The following SH3RF2 variants were observed in gnomAD, a reference collection of about 807,000 sequenced individuals.
SH3RF2 encodes the protein E3 ubiquitin-protein ligase SH3RF2.
SH3RF2 carries 43 observed loss-of-function variants against 59.0 expected under a neutral mutation model. The observed-to-expected ratio is 0.73, with a 90% CI of 0.57 to 0.94. The LOEUF (loss-of-function observed/expected upper bound fraction) is 0.94. Ranked by LOEUF, SH3RF2 falls within the 40% of genes least tolerant of loss-of-function variation. The pLI is 0.00. For missense variants in SH3RF2, 930 were observed against 940.1 expected (o/e 0.99, Z 0.14); for synonymous variants, 391 against 391.5 (o/e 1.00, Z 0.01).
chr5:146,024,206 G>A (rs187493232), intron 5 of SH3RF2, among the ~76,000 whole-genome samples: 4 of 152,306 alleles, frequency 2.6e-5, no homozygotes, highest in African/African-American at 4.8e-5. Flanking sequence ...CTTGGTGTAT[G>A]CAGGTTGCAA....
intron 2 of SH3RF2, 50 bp from the exon 3 acceptor site, chr5:146,000,008 C>A: frequency 6.3e-7 from 1 of 1,585,014 alleles, no homozygotes; most frequent in Non-Finnish European, 8.5e-7. Flanking sequence ...ATCTTCTGTT[C>A]CTCTAGACTC....
intron 2 of SH3RF2, among the ~76,000 whole-genome samples, chr5:145,964,201 CT>C (rs1758761249): frequency 2.1e-5 from 3 of 144,546 alleles, no homozygotes; most frequent in Admixed American, 1.4e-4. Context: ...CTTTCTTTTC[CT>C]TCCTTCCTTC....
At chr5:145,976,808 TCA>T (rs1759315103) in intron 2 of SH3RF2, among the ~76,000 whole-genome samples, 1 of 152,210 alleles carries the variant, frequency 6.6e-6, no homozygotes, top group Admixed American at 6.5e-5. Flanking sequence ...CCCATGGTTC[TCA>T]GTTAAAGGTC....
intron 6 of SH3RF2, 134 bp downstream of exon 6, chr5:146,047,997 T>A (rs545885919): frequency 1.2e-6 from 1 of 822,872 alleles, no homozygotes; most frequent in African/African-American, 1.7e-5. Context: ...CTTTACCACT[T>A]CCAAGTGAAA....
At chr5:145,948,102 T>C (rs779732488) in intron 2 of SH3RF2, among the ~76,000 whole-genome samples, 33 of 152,212 alleles carry the variant, frequency 2.2e-4, no homozygotes, top group Non-Finnish European at 4.6e-4. Context: ...TATGTGTCAT[T>C]CACTGGGCTC....
intron 8 of SH3RF2, 62 bp downstream of exon 8, chr5:146,056,275 G>T (rs773619996): frequency 6.2e-7 from 1 of 1,607,930 alleles, no homozygotes; most frequent in Admixed American, 1.7e-5. Context: ...TGACCCAGGG[G>T]TACACAGGAT....
chr5:146,033,966 C>A (rs1297574860), intron 5 of SH3RF2, among the ~76,000 whole-genome samples: 1 of 152,190 alleles, frequency 6.6e-6, no homozygotes, highest in Non-Finnish European at 1.5e-5. Flanking sequence ...ACATCCATCC[C>A]AGATGGTGTA....
intron 5 of SH3RF2, among the ~76,000 whole-genome samples, chr5:146,017,069 A>G (rs1561744277): frequency 6.6e-6 from 1 of 151,942 alleles, no homozygotes; most frequent in African/African-American, 2.4e-5. Context: ...AGCCAGGAAT[A>G]TTTTTTCCCC....
downstream of SH3RF2, among the ~76,000 whole-genome samples, chr5:146,068,071 C>T (rs777132579): frequency 1.5e-4 from 23 of 152,218 alleles, no homozygotes; most frequent in Non-Finnish European, 2.9e-4. Flanking sequence ...TTCACCTGGT[C>T]CTTGGCCTAG....
chr5:145,992,168 T>C (rs1759961921), intron 2 of SH3RF2, among the ~76,000 whole-genome samples: 1 of 152,068 alleles, frequency 6.6e-6, no homozygotes, highest in Non-Finnish European at 1.5e-5. Flanking sequence ...CCTTAGGAGT[T>C]TGAGACCAGC....
At chr5:145,992,298 T>A (rs1366176975) in intron 2 of SH3RF2, among the ~76,000 whole-genome samples, 1 of 152,078 alleles carries the variant, frequency 6.6e-6, no homozygotes, top group African/African-American at 2.4e-5. Flanking sequence ...TCACTTAACC[T>A]GGGAGGTTGA....
chr5:146,015,657 G>A (rs1426081868), intron 5 of SH3RF2, among the ~76,000 whole-genome samples: 1 of 152,256 alleles, frequency 6.6e-6, no homozygotes, highest in East Asian at 1.9e-4. Context: ...TTTTCTGTGT[G>A]CTTTTAAAAT....
chr5:146,073,961 A>C (rs1434576059), intron 9 of SH3RF2, among the ~76,000 whole-genome samples: 1 of 151,338 alleles, frequency 6.6e-6, no homozygotes, highest in Non-Finnish European at 1.5e-5. Flanking sequence ...CACGCAGCAT[A>C]GTGGGAATAG....
chr5:146,020,898 A>G (rs2906818), intron 5 of SH3RF2, among the ~76,000 whole-genome samples: 146,146 of 152,206 alleles, frequency 0.96, 70,455 homozygotes, highest in East Asian at 1. Flanking sequence ...AAGTCCAAGC[A>G]TCTTTCCTGG....
chr5:146,007,195 C>G (rs1760680825), intron 4 of SH3RF2, among the ~76,000 whole-genome samples: 1 of 152,256 alleles, frequency 6.6e-6, no homozygotes, highest in African/African-American at 2.4e-5. Flanking sequence ...AAAGACTGCC[C>G]TGGCTGCAGT....
rs747634530 is a variant in SH3RF2 at position 146,059,950 on chromosome 5, G to A, written c.1640G>A (p.Arg547Gln). ...AGACGCAGCCCCACCATGGTCCTTC[G>A]GCCTCAGCAGTTCCAATTCTACCAG... is the stretch of plus-strand genomic sequence containing the variant. ...SLRRSPTMVL[R>Q]PQQFQFYQPQ... Residue 547 changes from arginine to glutamine, a missense_variant, in exon 9 of 10, where the codon CGG becomes CAG. Transcript: ENST00000359120. The A allele has an allele frequency of 6.5e-6, 10 of 1,542,822 alleles. No individual in the cohort carries two copies. The highest frequency in any genetic ancestry group is 7.9e-6 in the Non-Finnish European group (9 of 1,144,900).
At chr5:146,074,196 C>T (rs886182804) in intron 9 of SH3RF2, among the ~76,000 whole-genome samples, 2 of 152,032 alleles carry the variant, frequency 1.3e-5, no homozygotes, top group South Asian at 4.1e-4. Flanking sequence ...CCCAACACCA[C>T]GCCCGGCTAA....
chr5:145,993,640 G>A (rs116512670), intron 2 of SH3RF2, among the ~76,000 whole-genome samples: 1,706 of 152,268 alleles, frequency 0.011, 34 homozygotes, highest in African/African-American at 0.039. Flanking sequence ...ACTCTATATT[G>A]GCTCCTTTCA....
At chr5:145,943,710 G>C (rs1757905367) in intron 2 of SH3RF2, among the ~76,000 whole-genome samples, 1 of 151,738 alleles carries the variant, frequency 6.6e-6, no homozygotes, top group African/African-American at 2.4e-5. Context: ...TTTTGTTTTT[G>C]TTTTTGTTTT....
Sources: gnomAD v4.1 joint callset for allele counts (sites outside exome capture counted in the v4.1 genomes callset) on GRCh38, gnomAD v4.1.1 for gene constraint, MANE v1.5 for transcripts, NCBI Gene and HGNC (gene_info 2026-07-23, HGNC 2026-07-21) for gene names.